Variants in PPCDC observed in about 807,000 individuals in gnomAD.
PPCDC encodes phosphopantothenoylcysteine decarboxylase.
PPCDC carries 20 observed loss-of-function variants against 20.7 expected under a neutral mutation model. The ratio of observed to expected loss-of-function variants is 0.97; its 90% CI spans 0.68 to 1.41. The LOEUF (loss-of-function observed/expected upper bound fraction) is 1.41. Ranked by LOEUF, PPCDC falls within the 40% of genes most tolerant of loss-of-function variation. The pLI is 0.00. For missense variants in PPCDC, 246 were observed against 263.8 expected, an observed-to-expected ratio of 0.93 and a Z score of 0.47; for synonymous variants, 88 against 100.3, an observed-to-expected ratio of 0.88 and a Z score of 0.73.
At chr15:75,029,091 C>T (rs1024350424) in intron 2 of PPCDC, among the ~76,000 whole-genome samples, 3 of 152,124 alleles carry the variant, frequency 2.0e-5, no homozygotes, top group African/African-American at 7.2e-5. Flanking sequence ...CTTTAAACAG[C>T]GTGAAATCTA....
intron 1 of PPCDC, among the ~76,000 whole-genome samples, chr15:75,024,191 C>T (rs1012848193): frequency 6.6e-6 from 1 of 152,084 alleles, no homozygotes; most frequent in Non-Finnish European, 1.5e-5. Context: ...GGAGAGGTTG[C>T]CAAGTTGGGG....
chr15:75,030,248 G>T (rs1454936088), intron 2 of PPCDC, among the ~76,000 whole-genome samples: 3 of 152,162 alleles, frequency 2.0e-5, no homozygotes, highest in African/African-American at 7.2e-5. Flanking sequence ...GGCTCCCTGA[G>T]ATGTTGGCTG....
At position 75,040,115 on chromosome 15, in the gene PPCDC, C is replaced by G. The variant is rs553799867; in HGVS notation, c.136-3326C>G. ...TCTTCTATTCCTTGACAAGGTCTCA[C>G]TTTGTCACCCAGGCTGGAGTGCAGT... On this transcript the variant is annotated intron_variant, in intron 2 of 5. Transcript: ENST00000342932. Among the ~76,000 whole-genome samples the G allele has an allele frequency of 1.1e-4, 16 of 150,722 alleles. No individual in the cohort carries two copies. The South Asian group carries it at 3.4e-3, about 32-fold the overall frequency.
chr15:75,047,454 T>C (rs2066251394), intron 4 of PPCDC, among the ~76,000 whole-genome samples: 3 of 152,216 alleles, frequency 2.0e-5, no homozygotes, highest in Admixed American at 6.5e-5. Flanking sequence ...CTGGACTCCT[T>C]CGCTCTTTTC....
rs2066211489 is a variant in PPCDC, at chr15:75,044,954, C to T, written c.360+440C>T. The T allele has an allele frequency of 2.7e-5, 5 of 182,564 alleles. No homozygotes were observed. In the South Asian group the frequency reaches 4.4e-4, roughly 16 times the overall value. 11.3% of individuals were successfully genotyped at this position (182,564 alleles called of 1,614,324 possible). On this transcript the variant is annotated intron_variant, in intron 4 of 5. Transcript: ENST00000342932. ...GGGGTTCACTTCTTCATAGATGGCTCATATACACTTTATCACCCTTGTAGC... is the reference window on the plus strand; with the variant it reads ...GGGGTTCACTTCTTCATAGATGGCTTATATACACTTTATCACCCTTGTAGC...
intron 2 of PPCDC, among the ~76,000 whole-genome samples, chr15:75,040,394 A>G (rs1456436775): frequency 6.6e-6 from 1 of 152,188 alleles, no homozygotes; most frequent in African/African-American, 2.4e-5. Flanking sequence ...AAAAAAAATT[A>G]CTTTACTTTT....
Position 75,049,259 on chromosome 15 carries a change from C to T in PPCDC, c.*24C>T, listed in dbSNP as rs760412025. 1 of 1,604,876 alleles carries T rather than the reference C, an allele frequency of 6.2e-7. No individual in the cohort carries two copies. The highest frequency in any genetic ancestry group is 8.5e-7 in the Non-Finnish European group (1 of 1,171,668). On this transcript the variant is annotated 3_prime_UTR_variant, in exon 6 of 6. Coordinates refer to ENST00000342932, the MANE Select transcript of PPCDC (RefSeq NM_021823.5). ...GACCTGGGATTTCTGTCATGGGTGTCCCTCTGTACTCAGAATGGGTTCAGG... is the reference window on the plus strand; with the variant it reads ...GACCTGGGATTTCTGTCATGGGTGTTCCTCTGTACTCAGAATGGGTTCAGG...
At position 75,050,445 on chromosome 15, in the gene PPCDC, T is replaced by C. The variant is rs147588995; in HGVS notation, c.*1210T>C. ...TACCCAGCTTTTGACTTAATTGCCA[T>C]TTGGTGTGGCTGCAGCGGGGAGGGC... On this transcript the variant is annotated 3_prime_UTR_variant, in exon 6 of 6. Coordinates refer to ENST00000342932, the MANE Select transcript of PPCDC (RefSeq NM_021823.5). 1 of 152,288 alleles carries C rather than the reference T, an allele frequency of 6.6e-6. No individual in the cohort carries two copies. The highest frequency in any genetic ancestry group is 2.1e-4 in the South Asian group (1 of 4,836). 9.4% of individuals were successfully genotyped at this position (152,288 alleles called of 1,614,324 possible). A position where few individuals can be genotyped will look rare whatever the true frequency, so the allele number is the denominator to read the frequency against.
At chr15:75,029,501 A>C (rs2065996174) in intron 2 of PPCDC, among the ~76,000 whole-genome samples, 1 of 152,116 alleles carries the variant, frequency 6.6e-6, no homozygotes, top group African/African-American at 2.4e-5. Context: ...TGGTCACATC[A>C]GCTGGGGCTG....
In PPCDC at chr15:75,038,662, T is replaced by G. The variant is rs183617695; in HGVS notation, c.136-4779T>G. ...TCTAATTTCTTCATGAACCTAACAGTGGGGTTGCCTTCTCCGACCCCTGGA... is the reference window on the plus strand; with the variant it reads ...TCTAATTTCTTCATGAACCTAACAGGGGGGTTGCCTTCTCCGACCCCTGGA... On this transcript the variant is annotated intron_variant, in intron 2 of 5. Transcript: ENST00000342932. Among the ~76,000 whole-genome samples, 822 of 152,260 alleles carry G rather than the reference T, an allele frequency of 5.4e-3. 6 individuals carry two copies. The highest frequency in any genetic ancestry group is 0.019 in the African/African-American group (791 of 41,548).
At chr15:75,035,095 C>T (rs1320201293) in intron 2 of PPCDC, among the ~76,000 whole-genome samples, 1 of 152,152 alleles carries the variant, frequency 6.6e-6, no homozygotes, top group Non-Finnish European at 1.5e-5. Context: ...TCAGTGGCCA[C>T]ATGTGGCCAG....
chr15:75,028,082 T>C (rs542886834), intron 1 of PPCDC, 165 bp from the exon 2 acceptor site: 113 of 534,174 alleles, frequency 2.1e-4, no homozygotes, highest in Non-Finnish European at 3.4e-4. Context: ...CTGGCCCATG[T>C]GTGGGGAAGG....
intron 2 of PPCDC, among the ~76,000 whole-genome samples, chr15:75,033,486 G>T (rs1463833684): frequency 6.6e-6 from 1 of 151,904 alleles, no homozygotes. Flanking sequence ...GTTTTAATTT[G>T]TAACCTATGT....
intron 2 of PPCDC, among the ~76,000 whole-genome samples, chr15:75,038,385 G>A (rs1391254965): frequency 1.3e-5 from 2 of 152,200 alleles, no homozygotes; most frequent in East Asian, 3.8e-4. Context: ...GAGCTCTCAG[G>A]AGCTCTCTGT....
At position 75,044,364 on chromosome 15, in the gene PPCDC, C is replaced by T. The variant is rs748405032; in HGVS notation, c.232-22C>T. 2.7e-5 allele frequency: 43 copies of T among 1,612,122 alleles called. 1 individual carries two copies. Among genetic ancestry groups the T allele is most frequent in the Middle Eastern group, 3.3e-4 (2 of 6,060 alleles). ...TGCATCCTGCTTCCTCCACACTGAC[C>T]CCTTTTTCTTCCCTCTGCCAGATAT... On this transcript the variant is annotated intron_variant, in intron 3 of 5. Coordinates refer to ENST00000342932, the MANE Select transcript of PPCDC (RefSeq NM_021823.5).
At position 75,049,370 on chromosome 15, in the gene PPCDC, C is replaced by A. The variant is rs2066283291; in HGVS notation, c.*135C>A. On this transcript the variant is annotated 3_prime_UTR_variant, in exon 6 of 6. Coordinates refer to ENST00000342932, the MANE Select transcript of PPCDC (RefSeq NM_021823.5). ...GACCTGCTCTGAGCCTGCCCAGGGG[C>A]CAGGCCTGCTCCAGGTTAAACTGGA... The A allele has an allele frequency of 3.7e-6, 3 of 803,928 alleles. No homozygotes were observed. Among genetic ancestry groups the A allele is most frequent in the Non-Finnish European group, 6.0e-6 (3 of 498,506 alleles). The allele number at this position is 803,928 out of a possible 1,614,324, so 49.8% of individuals were successfully genotyped here.
intron 2 of PPCDC, among the ~76,000 whole-genome samples, chr15:75,037,954 G>A (rs2066105985): frequency 6.6e-6 from 1 of 152,108 alleles, no homozygotes; most frequent in Non-Finnish European, 1.5e-5. Flanking sequence ...AGGGGCAGGA[G>A]ATGGCTAGTA....
Position 75,028,422 on chromosome 15 carries a change from T to G in PPCDC, c.104T>G (p.Leu35Arg), listed in dbSNP as rs746430370. Residue 35 changes from leucine (L) to arginine (R), a missense_variant, in exon 2 of 6, where the codon CTT (leucine) becomes CGT (arginine). By Grantham distance (102) the Leu-to-Arg change is moderately radical. Around this residue, in one of 2 missense-constraint regions of PPCDC, gnomAD observed 225 missense variants for 222.6 expected, o/e 1.01. Transcript: ENST00000342932. ...TGSVAALKLP[L>R]LVSKLLDIPG... ...AGTGTCGCAGCCCTGAAGTTGCCTC[T>G]TCTGGTGTCAAAGCTTTTGGACATT... is the stretch of plus-strand genomic sequence containing the variant. 4 of 1,614,258 alleles carry G rather than the reference T, an allele frequency of 2.5e-6. No individual in the cohort carries two copies. The highest frequency in any genetic ancestry group is 2.5e-6 in the Non-Finnish European group (3 of 1,180,050).
rs1174674287 is a variant in PPCDC at position 75,049,856 on chromosome 15, CG to C, written c.*622del. ...CAACTCACCGGCACTCTTTAGTCCC[CG>C]TATAACATGGTGGTTAAGGATAAAG... On this transcript the variant is annotated 3_prime_UTR_variant, in exon 6 of 6. Transcript: ENST00000342932. The C allele has an allele frequency of 5.9e-5, 9 of 152,152 alleles. No homozygotes were observed. Among genetic ancestry groups the C allele is most frequent in the African/African-American group, 1.9e-4 (8 of 41,422 alleles). The allele number at this position is 152,152 out of a possible 1,614,324, so 9.4% of individuals were successfully genotyped here.
Sources: allele counts gnomAD v4.1 joint callset (sites outside exome capture counted in the v4.1 genomes callset), GRCh38; gene constraint gnomAD v4.1.1; regional missense constraint gnomAD v4.1.1; transcripts MANE v1.5; gene names NCBI Gene and HGNC (gene_info 2026-07-23, HGNC 2026-07-21).